The following RMI2 variants were observed in gnomAD, a reference collection of about 807,000 sequenced individuals.
RMI2 encodes the protein RecQ mediated genome instability 2, also known as recQ-mediated genome instability protein 2.
Under a neutral mutation model 8.4 loss-of-function variants are expected in RMI2, and 11 were observed. The observed-to-expected ratio is 1.32, with a 90% CI of 0.83 to 2.18. The LOEUF is 2.18. Among genes scored for constraint, RMI2 ranks in the 30% most tolerant of loss-of-function variants. The pLI is 0.00. For synonymous variants in RMI2, 105 were observed against 93.8 expected (o/e 1.12, Z -0.69); for missense variants, 253 against 207.5 (o/e 1.22, Z -1.35).
chr16:11,345,546 G>T lies in RMI2; in HGVS notation c.75G>T (p.Val25=), dbSNP rs1274892308. Residue 25 remains valine, a synonymous_variant, in exon 1 of 2, where the codon GTG becomes GTT. Transcript: ENST00000312499. The part of the protein sequence containing the change: ...VRLPRSPPLK[V]LAEQLRRDAE... ...TTCCGAGGTCGCCGCCACTCAAGGT[G>T]CTGGCGGAGCAGCTGCGGCGCGACG... 8 of 1,251,226 alleles carry T rather than the reference G, an allele frequency of 6.4e-6. No homozygotes were observed. The highest frequency in any genetic ancestry group is 8.0e-6 in the Non-Finnish European group (8 of 997,748). 77.5% of individuals were successfully genotyped at this position (1,251,226 alleles called of 1,614,324 possible).
At chr16:11,348,280 A>G (rs2070911266) in intron 1 of RMI2, 1 of 152,262 alleles carries the variant, frequency 6.6e-6, no homozygotes, top group African/African-American at 2.4e-5. Flanking sequence ...CGCCCTTTAC[A>G]GAAAAAGTTT....
chr16:11,351,360 T>C lies in RMI2; in HGVS notation c.*570T>C, dbSNP rs2070970680. On this transcript the variant is annotated 3_prime_UTR_variant, in exon 2 of 2. Coordinates refer to ENST00000312499, the MANE Select transcript of RMI2 (RefSeq NM_152308.3). Reference sequence around the variant, plus strand: ...TGAAAGACAACAGCTCCCTTTCTGCTTCGGACACCACTCAAACATTTAGAC... The same window carrying C: ...TGAAAGACAACAGCTCCCTTTCTGCCTCGGACACCACTCAAACATTTAGAC... 8.6e-6 allele frequency: 2 copies of C among 232,660 alleles called. No homozygotes were observed. Among genetic ancestry groups the C allele is most frequent in the African/African-American group, 2.2e-5 (1 of 45,336 alleles). The allele number at this position is 232,660 out of a possible 1,614,324, so 14.4% of individuals were successfully genotyped here. A position where few individuals can be genotyped will look rare whatever the true frequency, so the allele number is the denominator to read the frequency against.
At chr16:11,350,215 G>A (rs1412436267) in intron 1 of RMI2, among the ~76,000 whole-genome samples, 2 of 152,190 alleles carry the variant, frequency 1.3e-5, no homozygotes, top group African/African-American at 2.4e-5. Context: ...ATTATAACTC[G>A]CTCTGATGGG....
Position 11,351,558 on chromosome 16 carries a change from C to T in RMI2, c.*768C>T, listed in dbSNP as rs974497738. 1.3e-5 allele frequency: 3 copies of T among 232,108 alleles called. No homozygotes were observed. The highest frequency in any genetic ancestry group is 2.6e-5 in the Non-Finnish European group (3 of 117,466). 14.4% of individuals were successfully genotyped at this position (232,108 alleles called of 1,614,324 possible). A position where few individuals can be genotyped will look rare whatever the true frequency, so the allele number is the denominator to read the frequency against. On this transcript the variant is annotated 3_prime_UTR_variant, in exon 2 of 2. Coordinates refer to ENST00000312499, the MANE Select transcript of RMI2 (RefSeq NM_152308.3). Reference sequence around the variant, plus strand: ...ACTTTCGGCGAGACATGGTGAGCCTCCTGGTGTAGAGTTCTTTTGTCTTTG... The same window carrying T: ...ACTTTCGGCGAGACATGGTGAGCCTTCTGGTGTAGAGTTCTTTTGTCTTTG...
Position 11,345,489 on chromosome 16 carries a change from C to G in RMI2, c.18C>G (p.Asp6Glu). 14 of 1,317,794 alleles carry G rather than the reference C, an allele frequency of 1.1e-5. No individual in the cohort carries two copies. Among genetic ancestry groups the G allele is most frequent in the Non-Finnish European group, 1.4e-5 (14 of 1,028,796 alleles). The allele number at this position is 1,317,794 out of a possible 1,614,324, so 81.6% of individuals were successfully genotyped here. Reference protein sequence around the residue: MAAAADSFSGGPAGVR... With the variant: MAAAAESFSGGPAGVR... The stretch of plus-strand genomic sequence containing the variant: ...GAGGCGGAATGGCGGCGGCTGCGGA[C>G]TCGTTCTCAGGCGGCCCCGCGGGGG... The change falls in exon 1 of 2, where the codon GAC (aspartate) becomes GAG (glutamate). Residue 6 changes from aspartate to glutamate, a missense_variant. Asp to Glu is a conservative substitution (Grantham distance 45). Transcript: ENST00000312499.
Position 11,345,685 on chromosome 16 carries a change from G to T in RMI2, c.214G>T (p.Ala72Ser). ...GGTAGTGATGGCGGACCGCGGCGAGGCTCGGCTGAGGGACCCGAGCGGGGA... is the reference window on the plus strand; with the variant it reads ...GGTAGTGATGGCGGACCGCGGCGAGTCTCGGCTGAGGGACCCGAGCGGGGA... ...GRVVMADRGE[A>S]RLRDPSGDFS... The change falls in exon 1 of 2, where the codon GCT (alanine) becomes TCT (serine). Residue 72 changes from alanine (A) to serine (S), a missense_variant. Transcript: ENST00000312499. 1.6e-6 allele frequency: 2 copies of T among 1,271,128 alleles called. No homozygotes were observed. The highest frequency in any genetic ancestry group is 2.0e-6 in the Non-Finnish European group (2 of 1,010,310). 78.7% of individuals were successfully genotyped at this position (1,271,128 alleles called of 1,614,324 possible). A position where few individuals can be genotyped will look rare whatever the true frequency, so the allele number is the denominator to read the frequency against.
intron 1 of RMI2, among the ~76,000 whole-genome samples, chr16:11,347,524 C>G (rs377260130): frequency 6.6e-6 from 1 of 152,218 alleles, no homozygotes; most frequent in East Asian, 1.9e-4. Flanking sequence ...AGGAGCTAAT[C>G]ATTCCTGCGT....
At chr16:11,346,490 G>C (rs1162801778) in intron 1 of RMI2, among the ~76,000 whole-genome samples, 1 of 151,984 alleles carries the variant, frequency 6.6e-6, no homozygotes, top group African/African-American at 2.4e-5. Context: ...CGAACTCCTG[G>C]CCTCAAGTGA....
chr16:11,345,752 C>T lies in RMI2; in HGVS notation c.281C>T (p.Pro94Leu), dbSNP rs1274037125. 1 of 1,239,164 alleles carries T rather than the reference C, an allele frequency of 8.1e-7. No individual in the cohort carries two copies. Among genetic ancestry groups the T allele is most frequent in the Non-Finnish European group, 1.0e-6 (1 of 991,780 alleles). 76.8% of individuals were successfully genotyped at this position (1,239,164 alleles called of 1,614,324 possible). ...RGLERVPRGR[P>L]CLVPGKYVMV... ...CTGGAGCGGGTGCCGCGCGGGCGGC[C>T]CTGTCTAGTCCCAGGTAATGCCCGG... is the stretch of plus-strand genomic sequence containing the variant. The change falls in exon 1 of 2, where the codon CCC (proline) becomes CTC (leucine). Residue 94 changes from proline (P) to leucine (L), a missense_variant. Pro to Leu is a moderately conservative substitution (Grantham distance 98). Transcript: ENST00000312499.
In RMI2 at chr16:11,350,833, C is replaced by G. The variant is rs1303535820; in HGVS notation, c.*43C>G. 4 of 1,513,756 alleles carry G rather than the reference C, an allele frequency of 2.6e-6. No individual in the cohort carries two copies. In the Admixed American group the frequency reaches 5.9e-5, roughly 22 times the overall value. The allele number at this position is 1,513,756 out of a possible 1,614,324, so 93.8% of individuals were successfully genotyped here. A position where few individuals can be genotyped will look rare whatever the true frequency, so the allele number is the denominator to read the frequency against. On this transcript the variant is annotated 3_prime_UTR_variant, in exon 2 of 2. Coordinates refer to ENST00000312499, the MANE Select transcript of RMI2 (RefSeq NM_152308.3). ...GTTAAAAACAACCAAAATCCCGAAA[C>G]TATTTAGAAGCTTATAATGATGTGG...
chr16:11,346,865 A>G (rs1424281674), intron 1 of RMI2, among the ~76,000 whole-genome samples: 6 of 152,204 alleles, frequency 3.9e-5, no homozygotes, highest in Non-Finnish European at 7.3e-5. Context: ...AGCTGGGACT[A>G]CAGGCCTGTA....
At chr16:11,347,133 T>C (rs545521756) in intron 1 of RMI2, among the ~76,000 whole-genome samples, 1 of 152,218 alleles carries the variant, frequency 6.6e-6, no homozygotes, top group Non-Finnish European at 1.5e-5. Context: ...GAGACCTAGA[T>C]AGAGTCTGCT....
rs1390957920 is a variant in RMI2, at chr16:11,349,991, G to C, written c.296-651G>C. Among the ~76,000 whole-genome samples, 1 of 152,192 alleles carries C rather than the reference G, an allele frequency of 6.6e-6. No homozygotes were observed. The highest frequency in any genetic ancestry group is 6.5e-5 in the Admixed American group (1 of 15,282). ...GTGCTGGAGGAGGTGGCAGGGATAG[G>C]TCCCAGCAGTTGGAACAATGGGGCG... On this transcript the variant is annotated intron_variant, in intron 1 of 1. Coordinates refer to ENST00000312499, the MANE Select transcript of RMI2 (RefSeq NM_152308.3). This position sits in a 1 kb window ranked among gnomAD's most constrained non-coding sequence, Gnocchi z 4.2.
chr16:11,350,926 A>C lies in RMI2; in HGVS notation c.*136A>C. 1.5e-6 allele frequency: 1 copy of C among 665,138 alleles called. No homozygotes were observed. Among genetic ancestry groups the C allele is most frequent in the Non-Finnish European group, 2.4e-6 (1 of 412,356 alleles). The allele number at this position is 665,138 out of a possible 1,614,324, so 41.2% of individuals were successfully genotyped here. A position where few individuals can be genotyped will look rare whatever the true frequency, so the allele number is the denominator to read the frequency against. On this transcript the variant is annotated 3_prime_UTR_variant, in exon 2 of 2. Coordinates refer to ENST00000312499, the MANE Select transcript of RMI2 (RefSeq NM_152308.3). Reference sequence around the variant, plus strand: ...CAGAGAGCCTTGCTTTGGTTGACCAAGGAGTCCGGATGTAGGAATGTTTAA... The same window carrying C: ...CAGAGAGCCTTGCTTTGGTTGACCACGGAGTCCGGATGTAGGAATGTTTAA...
At chr16:11,347,133 T>G (rs545521756) in intron 1 of RMI2, among the ~76,000 whole-genome samples, 18 of 152,336 alleles carry the variant, frequency 1.2e-4, no homozygotes, top group African/African-American at 4.1e-4. Flanking sequence ...GAGACCTAGA[T>G]AGAGTCTGCT....
chr16:11,347,318 G>A (rs916281652), intron 1 of RMI2, among the ~76,000 whole-genome samples: 2 of 152,140 alleles, frequency 1.3e-5, no homozygotes, highest in African/African-American at 4.8e-5. Flanking sequence ...TGGGAAATCA[G>A]GCCAAGATCA....
In RMI2 at chr16:11,345,595, C is replaced by T. The variant is rs2070849771; in HGVS notation, c.124C>T (p.Arg42Trp). The change falls in exon 1 of 2, where the codon CGG (arginine) becomes TGG (tryptophan). Residue 42 changes from arginine to tryptophan, a missense_variant. Arg to Trp is a moderately radical substitution (Grantham distance 101, BLOSUM62 -3). Transcript: ENST00000312499. ...CGCGGAGGGCGGCCCGGGCGCGTGG[C>T]GGCTGTCACGGGCGGCGGCGGGCCG... is the stretch of plus-strand genomic sequence containing the variant. ...RDAEGGPGAW[R>W]LSRAAAGRGP... The T allele has an allele frequency of 1.6e-6, 2 of 1,223,146 alleles. No homozygotes were observed. Among genetic ancestry groups the T allele is most frequent in the East Asian group, 3.2e-5 (1 of 30,852 alleles). The allele number at this position is 1,223,146 out of a possible 1,614,324, so 75.8% of individuals were successfully genotyped here.
chr16:11,346,014 C>T (rs1435275168), intron 1 of RMI2, among the ~76,000 whole-genome samples: 2 of 152,246 alleles, frequency 1.3e-5, no homozygotes, highest in Admixed American at 6.5e-5. Flanking sequence ...TCTCCCACCC[C>T]TAGTGGGAAT....
At chr16:11,345,802 G>A in intron 1 of RMI2, 36 bp downstream of exon 1, 1 of 1,225,996 alleles carries the variant, frequency 8.2e-7, no homozygotes, top group Non-Finnish European at 1.0e-6. Context: ...CCTCTTCCCT[G>A]CTGCCCGCCG....
Sources: gnomAD v4.1 joint callset for allele counts (sites outside exome capture counted in the v4.1 genomes callset) on GRCh38, gnomAD v4.1.1 for gene constraint, Gnocchi (gnomAD v3.1) non-coding constraint, MANE v1.5 for transcripts, NCBI Gene and HGNC (gene_info 2026-07-23, HGNC 2026-07-21) for gene names.